Variants in ALPL observed in about 807,000 individuals in gnomAD.
The protein encoded by ALPL is alkaline phosphatase, tissue-nonspecific isozyme.
In ALPL, 42 loss-of-function variants were observed where a neutral mutation model predicts 51.3. The observed-to-expected ratio is 0.82, with a 90% confidence interval of 0.64 to 1.06. The LOEUF (loss-of-function observed/expected upper bound fraction) is 1.06, where lower values mean the gene tolerates loss of function less well. Among genes scored for constraint, ALPL ranks in the 50% least tolerant of loss-of-function variants. ALPL has a pLI of 0.00. For missense variants in ALPL, 589 were observed against 709.4 expected (o/e 0.83, Z 1.93); for synonymous variants, 279 against 296.4 (o/e 0.94, Z 0.60).
Position 21,546,242 on chromosome 1 carries a change from C to T in ALPL, c.-104-7736C>T, listed in dbSNP as rs145503123. Among the ~76,000 whole-genome samples the T allele has an allele frequency of 1.9e-4, 29 of 152,194 alleles. No individual in the cohort carries two copies. In the East Asian group the frequency reaches 5.4e-3, roughly 28 times the overall value. ...GAAAGAAAAGGGCGTAATGGAGTAA[C>T]GAGATTAGTTTTCCTGTTATGGTGA... On this transcript the variant is annotated intron_variant, in intron 1 of 11. Transcript: ENST00000374840.
At chr1:21,556,676 C>T (rs558511687) in intron 2 of ALPL, among the ~76,000 whole-genome samples, 103 of 152,190 alleles carry the variant, frequency 6.8e-4, no homozygotes, top group African/African-American at 2.2e-3. Flanking sequence ...TGGTGGCTCA[C>T]GCCTGTAATC....
chr1:21,554,143 G>C lies in ALPL; in HGVS notation c.61+1G>C. 2 of 1,613,720 alleles carry C rather than the reference G, an allele frequency of 1.2e-6. No homozygotes were observed. The highest frequency in any genetic ancestry group is 1.7e-6 in the Non-Finnish European group (2 of 1,179,878). ...TGCCTTACTAACTCCTTAGTGCCAGGTATGCTTGGGGACACAGGTGGAGGC... is the reference window on the plus strand; with the variant it reads ...TGCCTTACTAACTCCTTAGTGCCAGCTATGCTTGGGGACACAGGTGGAGGC... On this transcript the variant is annotated splice_donor_variant, in intron 2 of 11. Transcript: ENST00000374840. LOFTEE classifies it high-confidence loss of function.
rs747146797 is a variant in ALPL at position 21,573,792 on chromosome 1, G to A, written c.990G>A (p.Leu330=). ...LRKNPKGFFL[L]VEGGRIDHGH... is the part of the protein sequence containing the mutation. The stretch of plus-strand genomic sequence containing the variant: ...AGAACCCCAAAGGCTTCTTCTTGCT[G>A]GTGGAAGGTAGGGACCCCGGGTCTG... The change falls in exon 9 of 12, where the codon CTG becomes CTA. Residue 330 remains leucine, a synonymous_variant. Transcript: ENST00000374840. 1.2e-6 allele frequency: 2 copies of A among 1,614,174 alleles called. No homozygotes were observed. Among genetic ancestry groups the A allele is most frequent in the South Asian group, 2.2e-5 (2 of 91,060 alleles).
At chr1:21,524,423 TGCAGTGAGATA>T (rs1330845288) in intron 1 of ALPL, among the ~76,000 whole-genome samples, 2 of 152,062 alleles carry the variant, frequency 1.3e-5, no homozygotes, top group African/African-American at 4.8e-5. Context: ...ACTTCAAGGC[TGCAGTGAGATA>T]TCATTGCACC....
At chr1:21,549,364 C>G (rs1028824799) in intron 1 of ALPL, among the ~76,000 whole-genome samples, 1 of 152,200 alleles carries the variant, frequency 6.6e-6, no homozygotes, top group Non-Finnish European at 1.5e-5. Context: ...GTCTCCACTT[C>G]TAAAAGACAT....
intron 1 of ALPL, among the ~76,000 whole-genome samples, chr1:21,539,400 C>T (rs190282230): frequency 3.9e-5 from 6 of 152,296 alleles, no homozygotes; most frequent in East Asian, 1.9e-4. Context: ...CTTATGAATA[C>T]GATGACAAAA....
chr1:21,554,170 T>A, intron 2 of ALPL, 28 bp downstream of exon 2: 2 of 1,611,320 alleles, frequency 1.2e-6, no homozygotes, highest in Non-Finnish European at 1.7e-6. Flanking sequence ...GGTGGAGGCA[T>A]AAAAAGGTGG....
intron 2 of ALPL, among the ~76,000 whole-genome samples, 183 bp downstream of exon 2, chr1:21,554,325 C>CATATATATAT (rs61491376): frequency 2.8e-4 from 41 of 146,282 alleles, no homozygotes; most frequent in African/African-American, 9.3e-4. Context: ...ACTCTTTTCC[C>CATATATATAT]ATATATATAT....
chr1:21,556,093 G>A (rs1323230088), intron 2 of ALPL, among the ~76,000 whole-genome samples: 1 of 152,110 alleles, frequency 6.6e-6, no homozygotes, highest in African/African-American at 2.4e-5. Context: ...TTTTTCTGTT[G>A]GAGATTCACG....
At chr1:21,564,000 G>C in intron 5 of ALPL, 41 bp from the exon 6 acceptor site, 1 of 1,609,396 alleles carries the variant, frequency 6.2e-7, no homozygotes, top group South Asian at 1.1e-5. Context: ...GGGACACCCC[G>C]ATCTGTGGAT....
At chr1:21,567,954 G>T in intron 6 of ALPL, 150 bp from the exon 7 acceptor site, 1 of 999,390 alleles carries the variant, frequency 1.0e-6, no homozygotes, top group Admixed American at 1.9e-5. Flanking sequence ...GACAAGTAAG[G>T]CCCAGAGATG....
chr1:21,527,015 G>GTTCTC (rs1643953309), intron 1 of ALPL, among the ~76,000 whole-genome samples: 3 of 140,528 alleles, frequency 2.1e-5, no homozygotes. Context: ...TGTTATTCTT[G>GTTCTC]TTCTTTTCTT....
chr1:21,551,971 C>A (rs545197728), intron 1 of ALPL, among the ~76,000 whole-genome samples: 23 of 150,824 alleles, frequency 1.5e-4, no homozygotes, highest in African/African-American at 5.6e-4. Flanking sequence ...GTGATCCGCC[C>A]GCCTCGGCCT....
chr1:21,533,993 A>G (rs529002278), intron 1 of ALPL, among the ~76,000 whole-genome samples: 1 of 151,890 alleles, frequency 6.6e-6, no homozygotes, highest in Non-Finnish European at 1.5e-5. Flanking sequence ...ATTACCAAAT[A>G]CAGGCAGATG....
chr1:21,515,124 A>G (rs757712285), intron 1 of ALPL, among the ~76,000 whole-genome samples: 4 of 152,234 alleles, frequency 2.6e-5, no homozygotes, highest in Admixed American at 1.3e-4. Context: ...AGGTGCATGA[A>G]CTTTACCTGG....
rs1436960562 is a variant in ALPL, at chr1:21,576,603, T to C, written c.1271T>C (p.Val424Ala). 1 of 1,613,714 alleles carries C rather than the reference T, an allele frequency of 6.2e-7. No individual in the cohort carries two copies. Among genetic ancestry groups the C allele is most frequent in the East Asian group, 2.2e-5 (1 of 44,864 alleles). ...GGCAATGGGCCTGGCTACAAGGTGG[T>C]GGGCGGTGAACGAGAGAATGTCTCC... is the stretch of plus-strand genomic sequence containing the variant. Reference protein sequence around the residue: ...LYGNGPGYKVVGGERENVSMV... With the variant: ...LYGNGPGYKVAGGERENVSMV... The change falls in exon 11 of 12, where the codon GTG becomes GCG. Residue 424 changes from valine (V) to alanine (A), a missense_variant. Transcript: ENST00000374840.
chr1:21,552,123 C>CCCCCCCCCCCCCCCCT (rs1553410475), intron 1 of ALPL, among the ~76,000 whole-genome samples: 1 of 50,184 alleles, frequency 2.0e-5, no homozygotes, highest in Non-Finnish European at 3.7e-5. Context: ...CTTCCCTTTC[C>CCCCCCCCCCCCCCCCT]TCCCTCCCCT....
intron 1 of ALPL, among the ~76,000 whole-genome samples, chr1:21,526,383 G>A (rs905372431): frequency 3.3e-5 from 5 of 152,086 alleles, no homozygotes; most frequent in Admixed American, 3.3e-4. Context: ...CAGGTGATCT[G>A]CCTGCCTCGG....
chr1:21,567,964 G>A, intron 6 of ALPL, 140 bp from the exon 7 acceptor site: 1 of 1,118,410 alleles, frequency 8.9e-7, no homozygotes, highest in East Asian at 2.4e-5. Flanking sequence ...GCCCAGAGAT[G>A]ACTGAGGCCT....
Sources: allele counts gnomAD v4.1 joint callset (sites outside exome capture counted in the v4.1 genomes callset), GRCh38; gene constraint gnomAD v4.1.1; transcripts MANE v1.5; gene names NCBI Gene and HGNC (gene_info 2026-07-23, HGNC 2026-07-21).